Variants in FAM76A observed in about 807,000 individuals in gnomAD.
FAM76A encodes the protein family with sequence similarity 76 member A, also known as protein FAM76A.
FAM76A carries 32 observed loss-of-function variants against 46.2 expected under a neutral mutation model. The ratio of observed to expected loss-of-function variants is 0.69; its 90% CI spans 0.52 to 0.93. The LOEUF is 0.93. Among genes scored for constraint, FAM76A ranks in the 40% least tolerant of loss-of-function variants. FAM76A has a pLI of 0.00. For missense variants in FAM76A, 274 were observed against 361.5 expected, an observed-to-expected ratio of 0.76 and a Z score of 1.96; for synonymous variants, 137 against 127.0, an observed-to-expected ratio of 1.08 and a Z score of -0.53.
chr1:27,740,125 T>C (rs942562970), intron 4 of FAM76A: 29 of 454,608 alleles, frequency 6.4e-5, no homozygotes, highest in African/African-American at 5.9e-4. Flanking sequence ...CAAAAGCAGC[T>C]AGTCCAGGAC....
In FAM76A at chr1:27,759,555, C is replaced by T; in HGVS notation, c.765C>T (p.Tyr255=). Residue 255 remains tyrosine (Y), a synonymous_variant, in exon 8 of 9, where the codon TAC becomes TAT. Coordinates refer to ENST00000373954, the MANE Select transcript of FAM76A (RefSeq NM_152660.3). ...CAGAGTTGAAGGCTGATTTTCAGTACCAGGAATCGCAGATGAGAGCCAAAA... is the reference window on the plus strand; with the variant it reads ...CAGAGTTGAAGGCTGATTTTCAGTATCAGGAATCGCAGATGAGAGCCAAAA... ...KITELKADFQ[Y]QESQMRAKMN... The T allele has an allele frequency of 6.2e-7, 1 of 1,613,378 alleles. No homozygotes were observed. The highest frequency in any genetic ancestry group is 8.5e-7 in the Non-Finnish European group (1 of 1,179,714).
At chr1:27,752,957 C>T (rs1479033253) in intron 6 of FAM76A, among the ~76,000 whole-genome samples, 2 of 151,952 alleles carry the variant, frequency 1.3e-5, no homozygotes, top group Non-Finnish European at 2.9e-5. Context: ...GTCGGGAGTT[C>T]GAGACCAGCC....
At chr1:27,751,395 T>G (rs1416702699) in intron 6 of FAM76A, among the ~76,000 whole-genome samples, 1 of 152,230 alleles carries the variant, frequency 6.6e-6, no homozygotes. Context: ...TTGTGGGTTT[T>G]TTTTCCCTGC....
intron 7 of FAM76A, among the ~76,000 whole-genome samples, chr1:27,758,512 AT>A (rs1223112115): frequency 6.6e-6 from 1 of 151,554 alleles, no homozygotes; most frequent in Non-Finnish European, 1.5e-5. Flanking sequence ...TATTATTTTT[AT>A]TTTTTTGAGA....
In FAM76A at chr1:27,734,066, A is replaced by G. The variant is rs775333482; in HGVS notation, c.237A>G (p.Ala79=). 6.2e-7 allele frequency: 1 copy of G among 1,611,118 alleles called. No homozygotes were observed. Among genetic ancestry groups the G allele is most frequent in the Non-Finnish European group, 8.5e-7 (1 of 1,179,468 alleles). ...GTCAGTATTGCAACATAATTGCAGC[A>G]TTTATTGGGAATAAATGCCAGCGCT... ...KPCQYCNIIA[A]FIGNKCQRCT... is the part of the protein sequence containing the mutation. The change falls in exon 4 of 9, where the codon GCA becomes GCG. Residue 79 remains alanine, a synonymous_variant. Transcript: ENST00000373954.
At chr1:27,760,474 A>G in intron 8 of FAM76A, 21 bp from the exon 9 acceptor site, 2 of 1,595,422 alleles carry the variant, frequency 1.3e-6, no homozygotes, top group Non-Finnish European at 1.7e-6. Context: ...TCCTTCTTGC[A>G]CTGATTTTTT....
At chr1:27,755,791 T>C (rs1010943927) in intron 7 of FAM76A, among the ~76,000 whole-genome samples, 3 of 152,120 alleles carry the variant, frequency 2.0e-5, no homozygotes, top group Non-Finnish European at 2.9e-5. Context: ...CCCAGACTGG[T>C]CTTGAACTCC....
chr1:27,730,168 T>C, intron 2 of FAM76A: 1 of 203,340 alleles, frequency 4.9e-6, no homozygotes, highest in South Asian at 5.6e-5. Flanking sequence ...AGTTTTTCTT[T>C]TCTTTTTCTT....
intron 6 of FAM76A, among the ~76,000 whole-genome samples, chr1:27,751,374 C>G (rs2088328933): frequency 6.6e-6 from 1 of 151,566 alleles, no homozygotes; most frequent in African/African-American, 2.4e-5. Flanking sequence ...CTTTGCTGTC[C>G]TCTTTACTTG....
At chr1:27,759,361 GCTTTAGAGAAA>G (rs1325087848) in intron 7 of FAM76A, among the ~76,000 whole-genome samples, 154 bp from the exon 8 acceptor site, 3 of 152,168 alleles carry the variant, frequency 2.0e-5, no homozygotes, top group Non-Finnish European at 4.4e-5. Context: ...TTTCAGGAAA[GCTTTAGAGAAA>G]AAGAGGGTGT....
At chr1:27,740,813 A>G (rs1313817055) in intron 4 of FAM76A, among the ~76,000 whole-genome samples, 1 of 152,146 alleles carries the variant, frequency 6.6e-6, no homozygotes, top group Non-Finnish European at 1.5e-5. Context: ...GTCTAACTAC[A>G]TTTTTAGTGA....
At chr1:27,759,732 A>G (rs2088471179) in intron 8 of FAM76A, 105 bp downstream of exon 8, 1 of 788,310 alleles carries the variant, frequency 1.3e-6, no homozygotes, top group Non-Finnish European at 2.0e-6. Flanking sequence ...TTTTTTCTCA[A>G]AGTATTAACA....
At chr1:27,757,511 G>T (rs1171246738) in intron 7 of FAM76A, among the ~76,000 whole-genome samples, 2 of 152,146 alleles carry the variant, frequency 1.3e-5, no homozygotes, top group African/African-American at 4.8e-5. Flanking sequence ...CGGATTACAG[G>T]CATGTGGCAC....
chr1:27,737,723 G>A (rs924360187), intron 4 of FAM76A, among the ~76,000 whole-genome samples: 4 of 151,742 alleles, frequency 2.6e-5, no homozygotes, highest in Non-Finnish European at 4.4e-5. Context: ...ATGGTGACAT[G>A]TGCCTATAAT....
intron 6 of FAM76A, among the ~76,000 whole-genome samples, chr1:27,754,319 T>G (rs1447380886): frequency 6.6e-6 from 1 of 152,110 alleles, no homozygotes; most frequent in Admixed American, 6.6e-5. Context: ...TTGGTCAGGC[T>G]GGTCTTGAAC....
intron 6 of FAM76A, among the ~76,000 whole-genome samples, chr1:27,754,788 A>G (rs1166846588): frequency 6.6e-6 from 1 of 152,202 alleles, no homozygotes; most frequent in African/African-American, 2.4e-5. Context: ...ATTAAAGAAA[A>G]ATGCATGAGC....
At chr1:27,744,625 TTCTTTA>T (rs1162906630) in intron 4 of FAM76A, 23 bp from the exon 5 acceptor site, 2 of 1,611,338 alleles carry the variant, frequency 1.2e-6, no homozygotes, top group Middle Eastern at 1.7e-4. Context: ...AAATTCCCTC[TTCTTTA>T]TCTTTGTCTC....
intron 7 of FAM76A, among the ~76,000 whole-genome samples, chr1:27,757,188 CTTTTTTTTTTTTT>C (rs1182814614): frequency 1.2e-5 from 1 of 81,634 alleles, no homozygotes; most frequent in African/African-American, 5.8e-5. Context: ...CTCATTTATT[CTTTTTTTTTTTTT>C]TTTTTTTTTT....
chr1:27,727,405 G>A (rs2087878556), intron 1 of FAM76A, 67 bp from the exon 2 acceptor site: 4 of 1,310,364 alleles, frequency 3.1e-6, no homozygotes, highest in Admixed American at 1.7e-5. Context: ...TACCCAGGTC[G>A]GCTTCCTACT....
Sources: gnomAD v4.1 joint callset for allele counts (sites outside exome capture counted in the v4.1 genomes callset) on GRCh38, gnomAD v4.1.1 for gene constraint, MANE v1.5 for transcripts, NCBI Gene and HGNC (gene_info 2026-07-23, HGNC 2026-07-21) for gene names.